Variants in CPAMD8 observed in about 807,000 individuals in gnomAD.
CPAMD8 encodes C3 and PZP like alpha-2-macroglobulin domain containing 8.
Under a neutral mutation model 224.7 loss-of-function variants are expected in CPAMD8, and 146 were observed. The ratio of observed to expected loss-of-function variants is 0.65; its 90% CI spans 0.57 to 0.75. CPAMD8 has a LOEUF of 0.75. Ranked by LOEUF, CPAMD8 falls within the 30% of genes least tolerant of loss-of-function variation. The pLI, the probability that CPAMD8 is intolerant of heterozygous loss-of-function variation, is 0.00. For missense variants in CPAMD8, 2,301 were observed against 2,537.5 expected (o/e 0.91, Z 2.00); for synonymous variants, 966 against 1,044.6 (o/e 0.92, Z 1.45).
chr19:16,934,110 A>G (rs2053620115), intron 23 of CPAMD8, among the ~76,000 whole-genome samples: 1 of 152,194 alleles, frequency 6.6e-6, no homozygotes, highest in African/African-American at 2.4e-5. Flanking sequence ...TTTATATAAC[A>G]TTCTGGAAAA....
chr19:16,937,451 T>G (rs1052974381), intron 23 of CPAMD8, among the ~76,000 whole-genome samples: 6 of 152,070 alleles, frequency 3.9e-5, no homozygotes, highest in African/African-American at 1.4e-4. Context: ...TCGTGTAAGG[T>G]GTGATCTTTA....
chr19:17,009,339 T>C lies in CPAMD8; in HGVS notation c.487-19A>G. 1.3e-5 allele frequency: 21 copies of C among 1,614,016 alleles called. No individual in the cohort carries two copies. The highest frequency in any genetic ancestry group is 1.8e-5 in the Non-Finnish European group (21 of 1,179,922). The stretch of plus-strand genomic sequence containing the variant: ...CTTCCAGCTGTAATGAAGACACAGA[T>C]GCAGTGAGCAAATCTTCCAGCAAAC... On this transcript the variant is annotated intron_variant, in intron 5 of 41. Transcript: ENST00000443236.
intron 11 of CPAMD8, 144 bp from the exon 12 acceptor site, chr19:16,993,730 C>T (rs901129189): frequency 2.0e-5 from 15 of 753,404 alleles, no homozygotes; most frequent in African/African-American, 3.5e-5. Context: ...CACAGGGCAT[C>T]GCAACGAGTT....
chr19:16,943,221 G>T (rs974354840), intron 22 of CPAMD8, among the ~76,000 whole-genome samples: 2 of 151,726 alleles, frequency 1.3e-5, no homozygotes, highest in African/African-American at 4.8e-5. Context: ...TTGCCATGTT[G>T]CCCAGGCTGG....
rs2055207736 is a variant in CPAMD8, at chr19:16,975,059, A to G, written c.2070+38T>C. The G allele has an allele frequency of 3.1e-6, 5 of 1,592,690 alleles. No individual in the cohort carries two copies. In the South Asian group the frequency reaches 5.7e-5, roughly 18 times the overall value. On this transcript the variant is annotated intron_variant, in intron 17 of 41. Coordinates refer to ENST00000443236, the MANE Select transcript of CPAMD8 (RefSeq NM_015692.5). ...TCTTATTTCTAGGCAAGAGGAACTTAGAAGGGGGCAGAGGGATCTGAGACC... is the reference window on the plus strand; with the variant it reads ...TCTTATTTCTAGGCAAGAGGAACTTGGAAGGGGGCAGAGGGATCTGAGACC...
intron 23 of CPAMD8, among the ~76,000 whole-genome samples, chr19:16,935,629 T>G (rs1332110582): frequency 2.0e-5 from 3 of 152,196 alleles, no homozygotes; most frequent in Admixed American, 1.3e-4. Flanking sequence ...AATGCACAGT[T>G]TGTTAAGTCA....
chr19:16,942,444 AGAGT>A (rs2053932163), intron 22 of CPAMD8, among the ~76,000 whole-genome samples: 1 of 152,218 alleles, frequency 6.6e-6, no homozygotes, highest in Admixed American at 6.5e-5. Context: ...CCTGGGCGAC[AGAGT>A]GAGACTCCAT....
intron 30 of CPAMD8, among the ~76,000 whole-genome samples, chr19:16,905,561 G>GAAAAAAAAAAAAAAAAAAAAAAA (rs1568458005): frequency 1.2e-5 from 1 of 85,880 alleles, no homozygotes. Context: ...AAAAAAAAAG[G>GAAAAAAAAAAAAAAAAAAAAAAA]AAGAAAAGAA....
At chr19:16,979,775 A>G (rs1251362028) in intron 14 of CPAMD8, among the ~76,000 whole-genome samples, 1 of 152,152 alleles carries the variant, frequency 6.6e-6, no homozygotes, top group African/African-American at 2.4e-5. Context: ...AAATGTTGAT[A>G]GTGCCAAGGT....
chr19:16,950,045 C>G (rs1429479077), intron 20 of CPAMD8, among the ~76,000 whole-genome samples: 1 of 152,150 alleles, frequency 6.6e-6, no homozygotes, highest in Non-Finnish European at 1.5e-5. Flanking sequence ...TGCCTGTAAT[C>G]CCAGCATTTT....
intron 13 of CPAMD8, among the ~76,000 whole-genome samples, chr19:16,985,367 G>A (rs2055680895): frequency 1.3e-5 from 2 of 151,090 alleles, no homozygotes; most frequent in Non-Finnish European, 3.0e-5. Flanking sequence ...ATGGATGGAG[G>A]GTAGATAAAT....
At chr19:16,922,258 C>T (rs1371188681) in intron 26 of CPAMD8, among the ~76,000 whole-genome samples, 2 of 151,868 alleles carry the variant, frequency 1.3e-5, no homozygotes, top group African/African-American at 4.8e-5. Flanking sequence ...CACACCACAT[C>T]TGGGCTCACT....
At chr19:16,994,734 G>A (rs2122952985) in intron 11 of CPAMD8, among the ~76,000 whole-genome samples, 1 of 152,190 alleles carries the variant, frequency 6.6e-6, no homozygotes, top group South Asian at 2.1e-4. Flanking sequence ...TGCCCAGGCT[G>A]GTCTCAAACT....
chr19:16,933,308 TAAAAAGAAAAAATAATAAA>T (rs2053597607), intron 23 of CPAMD8, among the ~76,000 whole-genome samples: 2 of 151,516 alleles, frequency 1.3e-5, no homozygotes, highest in Admixed American at 1.3e-4. Flanking sequence ...CATTAATGAA[TAAAAAGAAAAAATAATAAA>T]TTGCACTTAA....
At chr19:16,968,693 C>A (rs2054943512) in intron 18 of CPAMD8, among the ~76,000 whole-genome samples, 1 of 152,116 alleles carries the variant, frequency 6.6e-6, no homozygotes, top group Admixed American at 6.5e-5. Flanking sequence ...GGCTGGAGTG[C>A]AGTGGCACAA....
At position 16,929,111 on chromosome 19, in the gene CPAMD8, T is replaced by C. The variant is rs200483256; in HGVS notation, c.2975A>G (p.Gln992Arg). 126 of 1,613,998 alleles carry C rather than the reference T, an allele frequency of 7.8e-5. No homozygotes were observed. Among genetic ancestry groups the C allele is most frequent in the Non-Finnish European group, 6.8e-6 (8 of 1,180,018 alleles). ...GATCTCGATCATGCCTGCTGTGTCC[T>C]GGGGCCCAGAAGACAAGGCCACACG... ...DARVALSSGP[Q>R]DTAGMIEIVL... Residue 992 changes from glutamine to arginine, a missense_variant, in exon 24 of 42, where the codon CAG becomes CGG. This residue lies in a region of CPAMD8 where 1,709 missense variants were observed against 1,753.2 expected (regional missense o/e 0.97). Coordinates refer to ENST00000443236, the MANE Select transcript of CPAMD8 (RefSeq NM_015692.5).
intron 21 of CPAMD8, among the ~76,000 whole-genome samples, chr19:16,946,613 T>G (rs2054104861): frequency 1.4e-5 from 2 of 146,158 alleles, no homozygotes; most frequent in African/African-American, 5.1e-5. Flanking sequence ...GTGTGTGGAT[T>G]TGTGGTGTGT....
chr19:16,900,041 C>T (rs2052188521), intron 36 of CPAMD8, among the ~76,000 whole-genome samples: 1 of 152,088 alleles, frequency 6.6e-6, no homozygotes, highest in African/African-American at 2.4e-5. Context: ...CCTGTTCCAC[C>T]CTCCCCACAC....
chr19:16,918,198 T>A (rs2053033499), intron 27 of CPAMD8, among the ~76,000 whole-genome samples: 1 of 152,188 alleles, frequency 6.6e-6, no homozygotes. Context: ...TTTCGCCATG[T>A]TGGCCAGGCT....
Sources: allele counts gnomAD v4.1 joint callset (sites outside exome capture counted in the v4.1 genomes callset), GRCh38; gene constraint gnomAD v4.1.1; regional missense constraint gnomAD v4.1.1; transcripts MANE v1.5; gene names NCBI Gene and HGNC (gene_info 2026-07-23, HGNC 2026-07-21).